P2RX3: variants seen among roughly 807,000 people sequenced by gnomAD.
P2RX3 encodes the protein purinergic receptor P2X 3.
P2RX3 carries 41 observed loss-of-function variants against 51.5 expected under a neutral mutation model. That is an observed-to-expected ratio of 0.80 (90% CI 0.62 to 1.03). The LOEUF (loss-of-function observed/expected upper bound fraction) is 1.03, where lower values mean the gene tolerates loss of function less well. Among genes scored for constraint, P2RX3 ranks in the 50% least tolerant of loss-of-function variants. The pLI is 0.00. For synonymous variants in P2RX3, 185 were observed against 191.6 expected (o/e 0.97, Z 0.29); for missense variants, 459 against 522.1 (o/e 0.88, Z 1.18).
chr11:57,364,069 T>C (rs1856760832), intron 8 of P2RX3, among the ~76,000 whole-genome samples: 2 of 152,212 alleles, frequency 1.3e-5, no homozygotes, highest in Admixed American at 1.3e-4. Context: ...TCCAAGTTGA[T>C]GTCACTGTCA....
intron 5 of P2RX3, 46 bp downstream of exon 5, chr11:57,348,309 T>TC: frequency 6.6e-7 from 1 of 1,515,282 alleles, no homozygotes; most frequent in Non-Finnish European, 9.0e-7. Flanking sequence ...CCACCTCAGC[T>TC]CCCCTTTGCC....
chr11:57,363,810 C>T (rs1444829302), intron 8 of P2RX3, among the ~76,000 whole-genome samples: 1 of 152,160 alleles, frequency 6.6e-6, no homozygotes, highest in African/African-American at 2.4e-5. Flanking sequence ...AGCCTGGGCC[C>T]ACACTCCCTG....
upstream of P2RX3, among the ~76,000 whole-genome samples, chr11:57,337,306 A>G (rs1856243860): frequency 1.7e-5 from 2 of 115,636 alleles, no homozygotes; most frequent in African/African-American, 3.4e-5. Flanking sequence ...AAAAAAAAAA[A>G]GAAAGAAAGA....
chr11:57,366,955 C>T (rs1856807072), intron 8 of P2RX3, among the ~76,000 whole-genome samples: 2 of 152,208 alleles, frequency 1.3e-5, no homozygotes, highest in African/African-American at 4.8e-5. Flanking sequence ...CCTGTCAATA[C>T]TGCCACATTG....
intron 1 of P2RX3, among the ~76,000 whole-genome samples, chr11:57,343,324 C>T (rs1856375840): frequency 6.6e-6 from 1 of 152,198 alleles, no homozygotes; most frequent in Non-Finnish European, 1.5e-5. Context: ...CTGAGACTTT[C>T]CTAAGCCAGG....
At chr11:57,362,417 C>A (rs979901066) in intron 8 of P2RX3, among the ~76,000 whole-genome samples, 1 of 152,152 alleles carries the variant, frequency 6.6e-6, no homozygotes, top group Non-Finnish European at 1.5e-5. Context: ...AAAATCAAGG[C>A]TTGGGCATGG....
chr11:57,353,152 AAG>A (rs1032543702), intron 8 of P2RX3, among the ~76,000 whole-genome samples: 1 of 152,230 alleles, frequency 6.6e-6, no homozygotes, highest in African/African-American at 2.4e-5. Flanking sequence ...ATGCTTGAAT[AAG>A]AGAGAAAGGG....
chr11:57,354,648 TGTGA>T (rs966600375), intron 8 of P2RX3, among the ~76,000 whole-genome samples: 2 of 152,092 alleles, frequency 1.3e-5, no homozygotes, highest in Non-Finnish European at 2.9e-5. Flanking sequence ...TGTGTGTGTG[TGTGA>T]GTGTGTGTGC....
In P2RX3 at chr11:57,371,329, T is replaced by C. The variant is rs1157377872; in HGVS notation, c.*1332T>C. On this transcript the variant is annotated 3_prime_UTR_variant, in exon 12 of 12. Coordinates refer to ENST00000263314, the MANE Select transcript of P2RX3 (RefSeq NM_002559.5). The stretch of plus-strand genomic sequence containing the variant: ...TTTGGGGGCATCTCTTTAGAAAGAA[T>C]ACAAAATTAGGTATTAGAAGGGGCT... Among the ~76,000 whole-genome samples the C allele has an allele frequency of 1.3e-5, 2 of 152,202 alleles. No individual in the cohort carries two copies. The highest frequency in any genetic ancestry group is 2.4e-5 in the African/African-American group (1 of 41,456).
At chr11:57,356,146 C>A (rs963222437) in intron 8 of P2RX3, among the ~76,000 whole-genome samples, 2 of 152,216 alleles carry the variant, frequency 1.3e-5, no homozygotes, top group African/African-American at 4.8e-5. Context: ...TCCCCCACCC[C>A]CAAGGTAGGC....
At chr11:57,352,372 C>T (rs1054600399) in intron 8 of P2RX3, among the ~76,000 whole-genome samples, 1 of 152,112 alleles carries the variant, frequency 6.6e-6, no homozygotes, top group African/African-American at 2.4e-5. Context: ...GTTAAAAATA[C>T]TGTGCGGCTC....
At chr11:57,367,410 T>A (rs529333913) in intron 8 of P2RX3, among the ~76,000 whole-genome samples, 3 of 152,156 alleles carry the variant, frequency 2.0e-5, no homozygotes, top group Admixed American at 1.3e-4. Context: ...TCAGAATCAC[T>A]GATGGAAATT....
intron 6 of P2RX3, 46 bp downstream of exon 6, chr11:57,348,750 G>A (rs750491033): frequency 2.8e-6 from 4 of 1,450,344 alleles, no homozygotes; most frequent in Non-Finnish European, 3.8e-6. Flanking sequence ...GGCACCCCCG[G>A]CCCTGCCAAC....
At chr11:57,368,130 T>C in intron 9 of P2RX3, 28 bp downstream of exon 9, 1 of 1,604,898 alleles carries the variant, frequency 6.2e-7, no homozygotes, top group Non-Finnish European at 8.5e-7. Context: ...GCAGATGGGG[T>C]GGACAGGGGA....
Position 57,346,530 on chromosome 11 carries a change from C to T in P2RX3, c.120-14C>T, listed in dbSNP as rs1275002213. On this transcript the variant is annotated splice_polypyrimidine_tract_variant and intron_variant, in intron 1 of 11. Coordinates refer to ENST00000263314, the MANE Select transcript of P2RX3 (RefSeq NM_002559.5). ...ACTCCTCTCTTTCTCTTCATTTATG[C>T]TCTCCTGCCCCAGGTGGGTTTTCTT... 2.5e-6 allele frequency: 4 copies of T among 1,613,218 alleles called. No individual in the cohort carries two copies. Among genetic ancestry groups the T allele is most frequent in the Non-Finnish European group, 3.4e-6 (4 of 1,179,710 alleles).
At chr11:57,347,639 G>C (rs1224734254) in intron 4 of P2RX3, among the ~76,000 whole-genome samples, 161 bp downstream of exon 4, 1 of 152,180 alleles carries the variant, frequency 6.6e-6, no homozygotes, top group African/African-American at 2.4e-5. Context: ...TGCTACAAAG[G>C]TGGCATGGCC....
intron 1 of P2RX3, among the ~76,000 whole-genome samples, chr11:57,346,143 C>T (rs1205383157): frequency 6.6e-6 from 1 of 152,182 alleles, no homozygotes; most frequent in Non-Finnish European, 1.5e-5. Flanking sequence ...GAAGTGGCCC[C>T]CATCAGCAGC....
chr11:57,348,977 C>T (rs1207848885), intron 6 of P2RX3, among the ~76,000 whole-genome samples: 1 of 152,218 alleles, frequency 6.6e-6, no homozygotes, highest in Non-Finnish European at 1.5e-5. Context: ...ACAACTTAGG[C>T]CTAGTCGTGG....
At chr11:57,358,107 A>G (rs905731902) in intron 8 of P2RX3, among the ~76,000 whole-genome samples, 1 of 137,510 alleles carries the variant, frequency 7.3e-6, no homozygotes, top group Non-Finnish European at 1.7e-5. Context: ...ACATCGTGAT[A>G]AAAAAACCCT....
Sources: gnomAD v4.1 joint callset for allele counts (sites outside exome capture counted in the v4.1 genomes callset) on GRCh38, gnomAD v4.1.1 for gene constraint, MANE v1.5 for transcripts, NCBI Gene and HGNC (gene_info 2026-07-23, HGNC 2026-07-21) for gene names.